CORO1C: variants seen among roughly 807,000 people sequenced by gnomAD.
CORO1C encodes coronin-1C.
A neutral mutation model predicts 51.2 loss-of-function variants in CORO1C; 14 were observed. The ratio of observed to expected loss-of-function variants is 0.27; its 90% confidence interval spans 0.18 to 0.43. The LOEUF (loss-of-function observed/expected upper bound fraction) is 0.43. Among genes scored for constraint, CORO1C ranks in the 20% least tolerant of loss-of-function variants. The probability of loss-of-function intolerance (pLI) is 1.00; values close to 1 mark genes in which losing one functional copy is unlikely to be tolerated. For synonymous variants in CORO1C, 181 were observed against 210.5 expected (o/e 0.86, Z 1.21); for missense variants, 417 against 607.8 (o/e 0.69, Z 3.30).
At chr12:108,657,952 C>A (rs2033096908) in intron 5 of CORO1C, among the ~76,000 whole-genome samples, 1 of 152,200 alleles carries the variant, frequency 6.6e-6, no homozygotes, top group Admixed American at 6.5e-5. Flanking sequence ...GCACCAGCTA[C>A]TATCATTGCC....
At chr12:108,663,930 G>A (rs1014930110) in intron 3 of CORO1C, among the ~76,000 whole-genome samples, 4 of 152,176 alleles carry the variant, frequency 2.6e-5, no homozygotes, top group Admixed American at 6.5e-5. Context: ...CCTGGGCACA[G>A]GGGGAGAAAG....
chr12:108,719,130 T>C (rs988034771), intron 1 of CORO1C, among the ~76,000 whole-genome samples: 3 of 152,238 alleles, frequency 2.0e-5, no homozygotes, highest in Non-Finnish European at 4.4e-5. Context: ...ACTTGAAAAT[T>C]ATAATCTTTA....
In CORO1C at chr12:108,658,641, G is replaced by T; in HGVS notation, c.630+97C>A. ...ACAGTTGGTGTCTACACACAACAGG[G>T]TCCCACTGACCAGTACCGCTGCCTG... On this transcript the variant is annotated intron_variant, in intron 5 of 10. Coordinates refer to ENST00000261401, the MANE Select transcript of CORO1C (RefSeq NM_014325.4). This position sits in a 1 kb window ranked among gnomAD's most constrained non-coding sequence, Gnocchi z 4.9. 1 of 1,192,232 alleles carries T rather than the reference G, an allele frequency of 8.4e-7. No individual in the cohort carries two copies. Among genetic ancestry groups the T allele is most frequent in the Non-Finnish European group, 1.2e-6 (1 of 833,048 alleles). 73.9% of individuals were successfully genotyped at this position (1,192,232 alleles called of 1,614,324 possible).
intron 3 of CORO1C, among the ~76,000 whole-genome samples, chr12:108,666,509 G>A (rs1222307556): frequency 6.6e-6 from 1 of 152,172 alleles, no homozygotes. Context: ...ATGCTCACAG[G>A]CCTGTCATTA....
chr12:108,697,836 T>C (rs2034736759), intron 2 of CORO1C, among the ~76,000 whole-genome samples: 1 of 152,232 alleles, frequency 6.6e-6, no homozygotes, highest in Admixed American at 6.5e-5. Context: ...ACTAATCGTA[T>C]ATGAAGACTC....
At chr12:108,666,416 G>C (rs1356385053) in intron 3 of CORO1C, among the ~76,000 whole-genome samples, 1 of 152,194 alleles carries the variant, frequency 6.6e-6, no homozygotes, top group Non-Finnish European at 1.5e-5. Context: ...ACGGTGGACT[G>C]TGGAAAGAGC....
chr12:108,703,199 G>A (rs2034928921), intron 1 of CORO1C: 2 of 340,876 alleles, frequency 5.9e-6, no homozygotes, highest in Admixed American at 4.7e-5. Flanking sequence ...GCATCTTCAA[G>A]CAAGTGTTTC....
In CORO1C at chr12:108,645,631, T is replaced by C. The variant is rs2032320507; in HGVS notation, c.*1772A>G. 1 of 152,142 alleles carries C rather than the reference T, an allele frequency of 6.6e-6. No homozygotes were observed. The highest frequency in any genetic ancestry group is 2.1e-4 in the South Asian group (1 of 4,836). 9.4% of individuals were successfully genotyped at this position (152,142 alleles called of 1,614,324 possible). ...CATCAAACATTCAGATGCCCTGAAA[T>C]TGTGGAGACAGCACTCCCAGTATTG... On this transcript the variant is annotated 3_prime_UTR_variant, in exon 11 of 11. Coordinates refer to ENST00000261401, the MANE Select transcript of CORO1C (RefSeq NM_014325.4).
chr12:108,649,851 G>C (rs1233638081), intron 8 of CORO1C, among the ~76,000 whole-genome samples: 2 of 152,214 alleles, frequency 1.3e-5, no homozygotes, highest in Non-Finnish European at 2.9e-5. Context: ...TGGTGTGCAA[G>C]GGGGGAGTTG....
intron 1 of CORO1C, among the ~76,000 whole-genome samples, chr12:108,702,609 T>C (rs2034908135): frequency 6.6e-6 from 1 of 152,184 alleles, no homozygotes; most frequent in South Asian, 2.1e-4. Context: ...GGAACATGGT[T>C]CAACATCGAC....
chr12:108,712,209 A>G (rs192505801), intron 1 of CORO1C, among the ~76,000 whole-genome samples: 27 of 152,340 alleles, frequency 1.8e-4, no homozygotes, highest in African/African-American at 6.5e-4. Context: ...CAGGTAAGAC[A>G]GCAGATGAGG....
chr12:108,682,557 G>C (rs545250923), intron 2 of CORO1C, among the ~76,000 whole-genome samples: 1 of 152,208 alleles, frequency 6.6e-6, no homozygotes, highest in South Asian at 2.1e-4. Context: ...AACGTTGACA[G>C]AACTTGAAGA....
At chr12:108,712,913 T>TAAAAAAAAA (rs142742201) in intron 1 of CORO1C, among the ~76,000 whole-genome samples, 4 of 128,078 alleles carry the variant, frequency 3.1e-5, no homozygotes, top group African/African-American at 8.7e-5. Context: ...CATGTCTCTT[T>TAAAAAAAAA]AAAAAAAAAA....
rs1193641664 is a variant in CORO1C, at chr12:108,645,657, G to A, written c.*1746C>T. On this transcript the variant is annotated 3_prime_UTR_variant, in exon 11 of 11. Transcript: ENST00000261401. ...TGTGGAGACAGCACTCCCAGTATTG[G>A]CTGGATAAGAACATGGTCCTTTTTC... 6.6e-6 allele frequency: 1 copy of A among 152,096 alleles called. No homozygotes were observed. Among genetic ancestry groups the A allele is most frequent in the East Asian group, 1.9e-4 (1 of 5,194 alleles). 9.4% of individuals were successfully genotyped at this position (152,096 alleles called of 1,614,324 possible). A position where few individuals can be genotyped will look rare whatever the true frequency, so the allele number is the denominator to read the frequency against.
chr12:108,712,189 T>C (rs540931145), intron 1 of CORO1C, among the ~76,000 whole-genome samples: 2 of 152,206 alleles, frequency 1.3e-5, no homozygotes, highest in East Asian at 1.9e-4. Flanking sequence ...TGTTATTCAA[T>C]AGAAAAAGGC....
At chr12:108,714,467 C>A (rs2035273375) in intron 1 of CORO1C, among the ~76,000 whole-genome samples, 1 of 150,764 alleles carries the variant, frequency 6.6e-6, no homozygotes, top group South Asian at 2.1e-4. Context: ...CACACACACA[C>A]CCCAAGGATA....
At chr12:108,676,494 AGGCGCAGT>A (rs2033913192) in intron 3 of CORO1C, among the ~76,000 whole-genome samples, 1 of 152,134 alleles carries the variant, frequency 6.6e-6, no homozygotes. Context: ...CATCAGAGTT[AGGCGCAGT>A]GGCTCGTGCC....
intron 3 of CORO1C, among the ~76,000 whole-genome samples, chr12:108,662,502 G>A (rs961176780): frequency 2.6e-5 from 4 of 152,116 alleles, no homozygotes; most frequent in East Asian, 1.9e-4. Flanking sequence ...ATATGTTATC[G>A]GAGATCAGGA....
At position 108,725,662 on chromosome 12, in the gene CORO1C, T is replaced by C. The variant is rs150321606; in HGVS notation, c.-6+5767A>G. ...GAAGGTACCCATAGCTCACTGTCCC[T>C]AACTAGACAAAAAAGTTGACATTTT... On this transcript the variant is annotated intron_variant, in intron 1 of 10. Transcript: ENST00000261401. 4.7e-3 allele frequency among the ~76,000 whole-genome samples: 711 copies of C among 152,322 alleles called. 9 individuals are homozygous for C. Among genetic ancestry groups the C allele is most frequent in the African/African-American group, 0.016 (682 of 41,568 alleles).
Sources: gnomAD v4.1 joint callset for allele counts (sites outside exome capture counted in the v4.1 genomes callset) on GRCh38, gnomAD v4.1.1 for gene constraint, Gnocchi (gnomAD v3.1) non-coding constraint, MANE v1.5 for transcripts, NCBI Gene and HGNC (gene_info 2026-07-23, HGNC 2026-07-21) for gene names.